ITPR1: variants seen among roughly 807,000 people sequenced by gnomAD.
ITPR1 encodes inositol 1,4,5-trisphosphate-gated calcium channel ITPR1.
In ITPR1, 96 loss-of-function variants were observed where a neutral mutation model predicts 318.4. The ratio of observed to expected loss-of-function variants is 0.30; its 90% CI spans 0.26 to 0.36. ITPR1 has a LOEUF of 0.36. Among genes scored for constraint, ITPR1 ranks in the 10% least tolerant of loss-of-function variants. The pLI is 1.00. For synonymous variants in ITPR1, 1,312 were observed against 1,289.9 expected, an observed-to-expected ratio of 1.02 and a Z score of -0.37; for missense variants, 2,440 against 3,460.2, an observed-to-expected ratio of 0.71 and a Z score of 7.40.
In ITPR1 at chr3:4,728,772, G is replaced by A. The variant is rs553154864; in HGVS notation, c.5220+1599G>A. Among the ~76,000 whole-genome samples the A allele has an allele frequency of 8.5e-5, 13 of 152,184 alleles. No individual in the cohort carries two copies. The South Asian group carries it at 2.7e-3, about 32-fold the overall frequency. ...GAGAATTGATGCCTGAGATAAATGG[G>A]TAGCCAGATGCACCTGTACTCTGCT... is the stretch of plus-strand genomic sequence containing the variant. On this transcript the variant is annotated intron_variant, in intron 42 of 61. Transcript: ENST00000649015.
Position 4,815,061 on chromosome 3 carries a change from G to A in ITPR1, c.7710G>A (p.Leu2570=), listed in dbSNP as rs1454343036. The change falls in exon 59 of 62, where the codon CTG becomes CTA. Residue 2570 remains leucine (L), a synonymous_variant. Coordinates refer to ENST00000649015, the MANE Select transcript of ITPR1 (RefSeq NM_001378452.1). The part of the protein sequence containing the change: ...VLRKPSKEEP[L]FAARVIYDLL... ...ACACCTCTCTTTTCCAGGAACCCCT[G>A]TTTGCTGCTAGAGTTATTTATGACC... 1 of 1,610,690 alleles carries A rather than the reference G, an allele frequency of 6.2e-7. No individual in the cohort carries two copies. The highest frequency in any genetic ancestry group is 1.3e-5 in the African/African-American group (1 of 74,794).
intron 17 of ITPR1, among the ~76,000 whole-genome samples, chr3:4,665,926 A>G (rs1188230947): frequency 6.6e-6 from 1 of 152,118 alleles, no homozygotes; most frequent in Non-Finnish European, 1.5e-5. Flanking sequence ...TCCCCCAAAG[A>G]ATATTTGGCA....
At chr3:4,552,861 T>G (rs2085709979) in intron 4 of ITPR1, among the ~76,000 whole-genome samples, 1 of 152,166 alleles carries the variant, frequency 6.6e-6, no homozygotes, top group Non-Finnish European at 1.5e-5. Flanking sequence ...AAGACATCAC[T>G]TTGGCATTTC....
intron 4 of ITPR1, among the ~76,000 whole-genome samples, chr3:4,523,667 T>C (rs533187402): frequency 6.6e-6 from 1 of 152,200 alleles, no homozygotes; most frequent in Admixed American, 6.5e-5. Context: ...AGCAAGATCA[T>C]GTGGTATTCG....
intron 35 of ITPR1, among the ~76,000 whole-genome samples, chr3:4,700,800 A>G (rs1034058974): frequency 6.6e-6 from 1 of 152,194 alleles, no homozygotes. Flanking sequence ...TCACAGTTCC[A>G]TGTGGCTGGG....
In ITPR1 at chr3:4,685,203, G is replaced by C; in HGVS notation, c.3699G>C (p.Glu1233Asp). Residue 1233 changes from glutamate (E) to aspartate (D), a missense_variant, in exon 30 of 62, where the codon GAG becomes GAC. Transcript: ENST00000649015. Reference sequence around the variant, plus strand: ...TGGAGCTGCTGCAGATTCCCTATGAGAAGGTGAGCGGTGCCTCATGCACAG... The same window carrying C: ...TGGAGCTGCTGCAGATTCCCTATGACAAGGTGAGCGGTGCCTCATGCACAG... ...VVLELLQIPY[E>D]KAEDTKMQEI... is the part of the protein sequence containing the mutation. 6.2e-7 allele frequency: 1 copy of C among 1,600,234 alleles called. No individual in the cohort carries two copies. The highest frequency in any genetic ancestry group is 8.5e-7 in the Non-Finnish European group (1 of 1,177,306).
At chr3:4,746,120 C>G (rs1044314734) in intron 44 of ITPR1, among the ~76,000 whole-genome samples, 3 of 152,068 alleles carry the variant, frequency 2.0e-5, no homozygotes, top group Admixed American at 2.0e-4. Context: ...CGACCGCCTG[C>G]CAGCATAGGG....
At chr3:4,713,099 C>T (rs946336869) in intron 39 of ITPR1, among the ~76,000 whole-genome samples, 2 of 151,840 alleles carry the variant, frequency 1.3e-5, no homozygotes, top group Non-Finnish European at 2.9e-5. Context: ...GTGGGGGGTA[C>T]GGGGGAAGGC....
intron 12 of ITPR1, among the ~76,000 whole-genome samples, chr3:4,655,453 A>G (rs893529897): frequency 1.3e-5 from 2 of 152,064 alleles, no homozygotes; most frequent in Admixed American, 6.5e-5. Flanking sequence ...CTGCTGTGTG[A>G]CCTTGGACAA....
chr3:4,727,469 A>C (rs771729144), intron 42 of ITPR1, among the ~76,000 whole-genome samples: 49 of 152,316 alleles, frequency 3.2e-4, no homozygotes, highest in Non-Finnish European at 6.8e-4. Flanking sequence ...TAAAAGAAAA[A>C]GAAAAACTGT....
At chr3:4,814,370 GTC>G in intron 57 of ITPR1, 51 bp from the exon 58 acceptor site, 1 of 1,597,784 alleles carries the variant, frequency 6.3e-7, no homozygotes, top group African/African-American at 1.3e-5. Flanking sequence ...CAAAATCCCG[GTC>G]TCTCTTTTCT....
Position 4,669,760 on chromosome 3 carries a change from C to A in ITPR1, c.1993C>A (p.Leu665Met), listed in dbSNP as rs1216180858. The change falls in exon 19 of 62, where the codon CTG (leucine) becomes ATG (methionine). Residue 665 changes from leucine to methionine, a missense_variant. Transcript: ENST00000649015. The stretch of plus-strand genomic sequence containing the variant: ...GCTGAACCCCACCAACGCTGACATC[C>A]TGATTGAGACCAAGTGAGTGGGGAG... ...AVLNPTNADILIETKLVLSRF... is the reference protein window; with the variant it reads ...AVLNPTNADIMIETKLVLSRF... The A allele has an allele frequency of 3.7e-6, 6 of 1,610,888 alleles. No homozygotes were observed. Among genetic ancestry groups the A allele is most frequent in the African/African-American group, 1.3e-5 (1 of 74,866 alleles).
At position 4,594,743 on chromosome 3, in the gene ITPR1, C is replaced by A. The variant is rs76843144; in HGVS notation, c.164-33020C>A. Among the ~76,000 whole-genome samples the A allele has an allele frequency of 6.9e-3, 1,042 of 151,302 alleles. 13 individuals carry two copies. The highest frequency in any genetic ancestry group is 0.024 in the African/African-American group (993 of 41,404). ...CCATGGCCGTCTCAGTCATGGATAT[C>A]TGCAAGTGAGACCGGGAAATGTGTG... On this transcript the variant is annotated intron_variant, in intron 4 of 61. Coordinates refer to ENST00000649015, the MANE Select transcript of ITPR1 (RefSeq NM_001378452.1).
chr3:4,493,808 C>T (rs2124849237), intron 1 of ITPR1, among the ~76,000 whole-genome samples: 1 of 151,892 alleles, frequency 6.6e-6, no homozygotes, highest in South Asian at 2.1e-4. Context: ...TAGTGCGTGG[C>T]TTTGGGGGCT....
At chr3:4,538,807 A>T (rs963316707) in intron 4 of ITPR1, among the ~76,000 whole-genome samples, 4 of 152,198 alleles carry the variant, frequency 2.6e-5, no homozygotes, top group Non-Finnish European at 5.9e-5. Flanking sequence ...GTTCTCACTT[A>T]TAAGTGGGAG....
chr3:4,589,694 C>T (rs940733560), intron 4 of ITPR1, among the ~76,000 whole-genome samples: 4 of 152,026 alleles, frequency 2.6e-5, no homozygotes, highest in Non-Finnish European at 5.9e-5. Flanking sequence ...AGCCTCCCAC[C>T]TCATGTGGAA....
chr3:4,710,280 C>T lies in ITPR1; in HGVS notation c.4843-45C>T. On this transcript the variant is annotated intron_variant, in intron 37 of 61. Transcript: ENST00000649015. The surrounding 1 kb of genome is among the most constrained non-coding windows in gnomAD (Gnocchi z 4.2). ...ATCAATGTCCTCACCCTCCTGTGGT[C>T]AGCGTCTGCCTGAGCCGTTGACTGA... The T allele has an allele frequency of 6.8e-7, 1 of 1,476,352 alleles. No individual in the cohort carries two copies. The highest frequency in any genetic ancestry group is 2.4e-4 in the Middle Eastern group (1 of 4,178). 91.5% of individuals were successfully genotyped at this position (1,476,352 alleles called of 1,614,324 possible).
rs577693057 is a variant in ITPR1 at position 4,551,560 on chromosome 3, C to T, written c.163+30466C>T. Among the ~76,000 whole-genome samples, 11 of 152,334 alleles carry T rather than the reference C, an allele frequency of 7.2e-5. No homozygotes were observed. In the East Asian group the frequency reaches 9.6e-4, roughly 13 times the overall value. On this transcript the variant is annotated intron_variant, in intron 4 of 61. Transcript: ENST00000649015. ...GGTTGAGTAGCTGTTTCAGGGCTGA[C>T]GTTGGTTCTTGCTCATGAATCAAGG...
At chr3:4,599,606 G>T (rs2091115960) in intron 4 of ITPR1, among the ~76,000 whole-genome samples, 1 of 152,184 alleles carries the variant, frequency 6.6e-6, no homozygotes. Context: ...TTGGGTTTGT[G>T]ATGCTGTACT....
Sources: gnomAD v4.1 joint callset for allele counts (sites outside exome capture counted in the v4.1 genomes callset) on GRCh38, gnomAD v4.1.1 for gene constraint, Gnocchi (gnomAD v3.1) non-coding constraint, MANE v1.5 for transcripts, NCBI Gene and HGNC (gene_info 2026-07-23, HGNC 2026-07-21) for gene names.